Variants in DCLK1 observed in about 807,000 individuals in gnomAD.
DCLK1 encodes doublecortin like kinase 1.
Under a neutral mutation model 86.2 loss-of-function variants are expected in DCLK1, and 16 were observed. That is an observed-to-expected ratio of 0.19 (90% CI 0.13 to 0.28). DCLK1 has a LOEUF of 0.28. DCLK1 is among the 10% of genes least tolerant of loss of function. DCLK1 has a pLI of 1.00. For missense variants in DCLK1, 590 were observed against 940.2 expected (o/e 0.63, Z 4.87); for synonymous variants, 369 against 370.5 (o/e 1.00, Z 0.05).
intron 3 of DCLK1, among the ~76,000 whole-genome samples, chr13:36,008,873 T>G (rs1168667739): frequency 1.4e-5 from 2 of 146,918 alleles, no homozygotes; most frequent in African/African-American, 2.5e-5. Context: ...CTCCACATCC[T>G]CTCCAGCACC....
chr13:35,872,615 A>G (rs1260152693), intron 4 of DCLK1, among the ~76,000 whole-genome samples: 2 of 152,224 alleles, frequency 1.3e-5, no homozygotes, highest in Non-Finnish European at 2.9e-5. Context: ...TCTAGTAGCC[A>G]GAAACCAAGG....
chr13:36,086,394 G>A (rs1210311347), intron 3 of DCLK1, among the ~76,000 whole-genome samples: 3 of 150,944 alleles, frequency 2.0e-5, no homozygotes, highest in African/African-American at 7.3e-5. Context: ...AGAGAAGTCA[G>A]CCTCAGACAA....
Position 35,774,476 on chromosome 13 carries a change from G to T in DCLK1, c.*59C>A, listed in dbSNP as rs565397452. The T allele has an allele frequency of 6.5e-7, 1 of 1,537,250 alleles. No individual in the cohort carries two copies. The highest frequency in any genetic ancestry group is 2.0e-5 in the Admixed American group (1 of 49,490). ...ATGAAACTGTTTTACACAAATTTGG[G>T]GGAAAAAAATCTCAGAGTCTCAAAG... On this transcript the variant is annotated 3_prime_UTR_variant, in exon 17 of 17. Transcript: ENST00000360631.
chr13:35,787,051 GAGTAA>G (rs1219365476), intron 16 of DCLK1, among the ~76,000 whole-genome samples: 1 of 150,846 alleles, frequency 6.6e-6, no homozygotes, highest in African/African-American at 2.4e-5. Context: ...AAATAACCAG[GAGTAA>G]CAATTGGGGC....
intron 16 of DCLK1, among the ~76,000 whole-genome samples, chr13:35,778,734 C>T (rs1019916166): frequency 6.6e-6 from 1 of 152,216 alleles, no homozygotes; most frequent in Admixed American, 6.5e-5. Context: ...CACAGGGAGG[C>T]AGGGTTGGAG....
chr13:36,078,774 C>A lies in DCLK1; in HGVS notation c.723+33095G>T, dbSNP rs1593870867. Among the ~76,000 whole-genome samples, 3 of 152,232 alleles carry A rather than the reference C, an allele frequency of 2.0e-5. No homozygotes were observed. In the East Asian group the frequency reaches 5.8e-4, roughly 29 times the overall value. On this transcript the variant is annotated intron_variant, in intron 3 of 16. Transcript: ENST00000360631. ...GTGAATTTGAAATAGTGACATAAAA[C>A]ATTAAAAGGTTGTCACTTTACACTT...
At chr13:35,967,800 G>A (rs982554544) in intron 3 of DCLK1, among the ~76,000 whole-genome samples, 7 of 150,980 alleles carry the variant, frequency 4.6e-5, no homozygotes, top group Non-Finnish European at 5.9e-5. Flanking sequence ...CCCCCTCTCC[G>A]AGAAACATCC....
chr13:35,968,419 T>C (rs1286232711), intron 3 of DCLK1, among the ~76,000 whole-genome samples: 1 of 152,214 alleles, frequency 6.6e-6, no homozygotes, highest in Non-Finnish European at 1.5e-5. Flanking sequence ...TTGGGCTCTC[T>C]ACAGAGCACC....
chr13:35,883,612 A>G (rs1198991133), intron 4 of DCLK1, among the ~76,000 whole-genome samples: 1 of 152,196 alleles, frequency 6.6e-6, no homozygotes. Flanking sequence ...GGACTAAGAC[A>G]GCAGTGGTAT....
intron 6 of DCLK1, among the ~76,000 whole-genome samples, chr13:35,842,369 C>CA (rs1566562159): frequency 6.6e-6 from 1 of 150,742 alleles, no homozygotes; most frequent in African/African-American, 2.4e-5. Context: ...TTTCACATGA[C>CA]AGTGCTTTTA....
chr13:35,984,928 A>G (rs753659713), intron 3 of DCLK1, among the ~76,000 whole-genome samples: 8 of 151,502 alleles, frequency 5.3e-5, no homozygotes, highest in Non-Finnish European at 1.0e-4. Flanking sequence ...CACACACTTG[A>G]GAGGCCTCCT....
chr13:36,048,262 T>C (rs561240348), intron 3 of DCLK1, among the ~76,000 whole-genome samples: 6 of 152,268 alleles, frequency 3.9e-5, no homozygotes, highest in Non-Finnish European at 7.4e-5. Context: ...GCATTTCTGA[T>C]AAAGTTCTTG....
At chr13:35,893,398 C>A (rs1455097674) in intron 4 of DCLK1, among the ~76,000 whole-genome samples, 2 of 152,200 alleles carry the variant, frequency 1.3e-5, no homozygotes, top group African/African-American at 4.8e-5. Flanking sequence ...ATATTAACAA[C>A]TTTGACAAAG....
intron 4 of DCLK1, among the ~76,000 whole-genome samples, chr13:35,898,343 T>G (rs967805720): frequency 3.3e-5 from 5 of 152,222 alleles, no homozygotes; most frequent in African/African-American, 1.2e-4. Context: ...CAAACATACT[T>G]CTCATTACCC....
chr13:35,855,814 C>T (rs1871019804), intron 5 of DCLK1: 1 of 1,249,842 alleles, frequency 8.0e-7, no homozygotes. Context: ...CCACTCCCTT[C>T]CGGAAGCCCC....
chr13:36,022,677 C>T (rs1881834288), intron 3 of DCLK1, among the ~76,000 whole-genome samples: 1 of 151,844 alleles, frequency 6.6e-6, no homozygotes. Flanking sequence ...GACGAAATGC[C>T]CGAATTCCTA....
intron 4 of DCLK1, among the ~76,000 whole-genome samples, chr13:35,882,943 G>A (rs571322911): frequency 6.6e-6 from 1 of 152,340 alleles, no homozygotes; most frequent in African/African-American, 2.4e-5. Context: ...TTAAAAGGGT[G>A]ATGTGACAGC....
intron 16 of DCLK1, among the ~76,000 whole-genome samples, chr13:35,782,129 T>C (rs190624865): frequency 9.2e-5 from 14 of 152,280 alleles, no homozygotes; most frequent in African/African-American, 3.1e-4. Flanking sequence ...TAAATATTAT[T>C]CCCCATTTTC....
chr13:35,881,153 A>G (rs1413935237), intron 4 of DCLK1, among the ~76,000 whole-genome samples: 1 of 152,214 alleles, frequency 6.6e-6, no homozygotes, highest in African/African-American at 2.4e-5. Context: ...ACTCTAAGTC[A>G]GACTTGCAGA....
Sources: gnomAD v4.1 joint callset for allele counts (sites outside exome capture counted in the v4.1 genomes callset) on GRCh38, gnomAD v4.1.1 for gene constraint, MANE v1.5 for transcripts, NCBI Gene and HGNC (gene_info 2026-07-23, HGNC 2026-07-21) for gene names.